SASH1: variants seen among roughly 807,000 people sequenced by gnomAD.
SASH1 encodes SAM and SH3 domain-containing protein 1.
In SASH1, 44 loss-of-function variants were observed where a neutral mutation model predicts 125.2. The ratio of observed to expected loss-of-function variants is 0.35; its 90% CI spans 0.28 to 0.45. The LOEUF (loss-of-function observed/expected upper bound fraction) is 0.45. SASH1 is among the 20% of genes least tolerant of loss of function. The pLI is 1.00. For missense variants in SASH1, 1,426 were observed against 1,614.5 expected (o/e 0.88, Z 2.00); for synonymous variants, 639 against 649.1 (o/e 0.98, Z 0.24).
intron 6 of SASH1, 61 bp downstream of exon 6, chr6:148,471,564 T>C (rs915412614): frequency 3.0e-6 from 3 of 1,011,766 alleles, no homozygotes; most frequent in Non-Finnish European, 4.6e-6. Flanking sequence ...AAGAATCCTA[T>C]GCGGCTAATC....
chr6:148,425,717 C>CT (rs1775786630), intron 2 of SASH1, among the ~76,000 whole-genome samples: 1 of 117,854 alleles, frequency 8.5e-6, no homozygotes, highest in Non-Finnish European at 1.9e-5. Context: ...CTCCCATCCC[C>CT]CTCTCCCTTC....
Position 148,548,432 on chromosome 6 carries a change from G to A in SASH1, c.3618G>A (p.Leu1206=). 6.2e-7 allele frequency: 1 copy of A among 1,614,210 alleles called. No individual in the cohort carries two copies. The highest frequency in any genetic ancestry group is 8.5e-7 in the Non-Finnish European group (1 of 1,180,046). ...GTLSTAGFST[L]SQVPSLSHTC... Reference sequence around the variant, plus strand: ...TCTCCACCGCGGGCTTCAGCACACTGAGCCAAGTGCCTTCTCTGTCTCACA... The same window carrying A: ...TCTCCACCGCGGGCTTCAGCACACTAAGCCAAGTGCCTTCTCTGTCTCACA... Residue 1206 remains leucine (L), a synonymous_variant, in exon 20 of 20, where the codon CTG becomes CTA. Coordinates refer to ENST00000367467, the MANE Select transcript of SASH1 (RefSeq NM_015278.5).
rs999245112 is a variant in SASH1, at chr6:148,529,210, G to A, written c.1428+1614G>A. 4.6e-5 allele frequency among the ~76,000 whole-genome samples: 7 copies of A among 152,126 alleles called. No homozygotes were observed. The highest frequency in any genetic ancestry group is 1.3e-4 in the Admixed American group (2 of 15,278). ...ACAGACGGGTTCTGGTCCGTGGCCC[G>A]GGAGTTGGAGAATGCTGATCTAGAG... On this transcript the variant is annotated intron_variant, in intron 12 of 19. Transcript: ENST00000367467. The surrounding 1 kb of genome is among the most constrained non-coding windows in gnomAD (Gnocchi z 4.2).
intron 1 of SASH1, among the ~76,000 whole-genome samples, chr6:148,348,030 G>A (rs1781575627): frequency 6.6e-6 from 1 of 152,040 alleles, no homozygotes; most frequent in Non-Finnish European, 1.5e-5. Context: ...TTTTTGAGAA[G>A]GAGTCTCACT....
chr6:148,455,552 G>A (rs1777302212), intron 4 of SASH1, among the ~76,000 whole-genome samples: 1 of 152,204 alleles, frequency 6.6e-6, no homozygotes, highest in Non-Finnish European at 1.5e-5. Context: ...AGAATGGGAG[G>A]ACAGGGTCCA....
At chr6:148,373,756 A>T (rs1055698582) in intron 1 of SASH1, among the ~76,000 whole-genome samples, 6 of 152,274 alleles carry the variant, frequency 3.9e-5, no homozygotes, top group Admixed American at 2.0e-4. Flanking sequence ...GGATCACTTG[A>T]GGTCAGGAGT....
chr6:148,213,794 C>A, the SASH1 span, among the ~76,000 whole-genome samples: 1 of 152,098 alleles, frequency 6.6e-6, no homozygotes, highest in African/African-American at 2.4e-5. Context: ...ATCTGCAATA[C>A]TCAATTTGCA....
At chr6:148,376,391 C>G (rs1470726732) in intron 1 of SASH1, among the ~76,000 whole-genome samples, 1 of 152,094 alleles carries the variant, frequency 6.6e-6, no homozygotes, top group Non-Finnish European at 1.5e-5. Flanking sequence ...TTTGGAAAGA[C>G]ACTATCCAAC....
At chr6:148,523,887 C>G (rs1780965742) in intron 10 of SASH1, among the ~76,000 whole-genome samples, 2 of 152,004 alleles carry the variant, frequency 1.3e-5, no homozygotes, top group Non-Finnish European at 2.9e-5. Flanking sequence ...AGAGTGTCTG[C>G]CTTGTGCCAG....
intron 2 of SASH1, among the ~76,000 whole-genome samples, chr6:148,425,578 AG>A (rs1204768552): frequency 6.6e-6 from 1 of 152,190 alleles, no homozygotes; most frequent in Non-Finnish European, 1.5e-5. Context: ...TTTTCAAAGA[AG>A]TAAGCTCAAC....
the SASH1 span, among the ~76,000 whole-genome samples, chr6:148,259,177 G>A: frequency 2.0e-5 from 3 of 152,160 alleles, no homozygotes; most frequent in African/African-American, 7.2e-5. Flanking sequence ...TCCTGTTCCA[G>A]GAGAGCTTGG....
chr6:148,268,629 T>A (rs1454042942), upstream of SASH1, among the ~76,000 whole-genome samples: 3 of 152,222 alleles, frequency 2.0e-5, no homozygotes, highest in African/African-American at 7.2e-5. Flanking sequence ...CTTTGTGGAA[T>A]TCTGTTCCCT....
intron 2 of SASH1, among the ~76,000 whole-genome samples, chr6:148,399,214 C>CTTTTTTTTTTTTTTTTTTTT (rs371374910): frequency 1.7e-4 from 18 of 106,674 alleles, no homozygotes; most frequent in Non-Finnish European, 3.0e-4. Flanking sequence ...ATTTCAGCTT[C>CTTTTTTTTTTTTTTTTTTTT]TTTTTTTTTT....
chr6:148,525,239 C>G, intron 10 of SASH1, 52 bp from the exon 11 acceptor site: 1 of 1,422,932 alleles, frequency 7.0e-7, no homozygotes, highest in Non-Finnish European at 9.9e-7. Flanking sequence ...GGTGCACTGC[C>G]GGCTGGCTTA....
intron 1 of SASH1, among the ~76,000 whole-genome samples, chr6:148,334,284 C>T (rs1781083744): frequency 6.8e-6 from 1 of 147,552 alleles, no homozygotes. Context: ...AAAAATTAGC[C>T]GGGCGTGATG....
chr6:148,244,004 G>A, the SASH1 span, among the ~76,000 whole-genome samples: 3 of 152,206 alleles, frequency 2.0e-5, no homozygotes, highest in Non-Finnish European at 4.4e-5. Flanking sequence ...CCTCAACTCT[G>A]TTGGCAACCA....
the SASH1 span, among the ~76,000 whole-genome samples, chr6:148,245,981 T>TA: frequency 6.5e-5 from 9 of 138,524 alleles, no homozygotes; most frequent in East Asian, 2.1e-4. Context: ...AGACTCCGTC[T>TA]AAAAAAACAA....
chr6:148,449,078 C>CTTTTTCTTTTTTTTTTT lies in SASH1; in HGVS notation c.386+8676_386+8677insCTTTTTTTTTTTTTTTT. ...GAGACTGGCTAATTTCATTTCATTT[C>CTTTTTCTTTTTTTTTTT]TTTTTTTTTTTTTTTGGAGACAGAG... On this transcript the variant is annotated intron_variant, in intron 4 of 19. Transcript: ENST00000367467. Among the ~76,000 whole-genome samples, 65 of 88,652 alleles carry CTTTTTCTTTTTTTTTTT rather than the reference C, an allele frequency of 7.3e-4. 3 individuals are homozygous for CTTTTTCTTTTTTTTTTT. In the East Asian group the frequency reaches 0.01, roughly 14 times the overall value. 58.2% of individuals were successfully genotyped at this position (88,652 alleles called of 152,430 possible).
chr6:148,425,021 T>G (rs923931202), intron 2 of SASH1, among the ~76,000 whole-genome samples: 2 of 152,150 alleles, frequency 1.3e-5, no homozygotes, highest in African/African-American at 4.8e-5. Flanking sequence ...GTGTAAGTGA[T>G]TCCCATGAGC....
Sources: allele counts gnomAD v4.1 joint callset (sites outside exome capture counted in the v4.1 genomes callset), GRCh38; gene constraint gnomAD v4.1.1; non-coding constraint Gnocchi (gnomAD v3.1); transcripts MANE v1.5; gene names NCBI Gene and HGNC (gene_info 2026-07-23, HGNC 2026-07-21).